The following MAPKAP1 variants were observed in gnomAD, a reference collection of about 807,000 sequenced individuals.
MAPKAP1 encodes MAPK associated protein 1.
A neutral mutation model predicts 65.7 loss-of-function variants in MAPKAP1; 20 were observed. That is an observed-to-expected ratio of 0.30 (90% CI 0.21 to 0.44). The LOEUF (loss-of-function observed/expected upper bound fraction) is 0.44. Among genes scored for constraint, MAPKAP1 ranks in the 20% least tolerant of loss-of-function variants. The pLI, the probability that MAPKAP1 is intolerant of heterozygous loss-of-function variation, is 1.00. For synonymous variants in MAPKAP1, 222 were observed against 244.3 expected (o/e 0.91, Z 0.85); for missense variants, 423 against 648.0 (o/e 0.65, Z 3.77).
chr9:125,473,259 C>T (rs1466500862), intron 9 of MAPKAP1, among the ~76,000 whole-genome samples: 1 of 152,026 alleles, frequency 6.6e-6, no homozygotes, highest in Non-Finnish European at 1.5e-5. Flanking sequence ...AAGAAAAGAG[C>T]ACGGGGGCTG....
chr9:125,696,622 A>C (rs1372697934), intron 1 of MAPKAP1, among the ~76,000 whole-genome samples: 3 of 152,230 alleles, frequency 2.0e-5, no homozygotes, highest in Non-Finnish European at 4.4e-5. Context: ...AAAAAAAACA[A>C]AAAACCTTAA....
chr9:125,669,198 C>T (rs1057221546), intron 3 of MAPKAP1, among the ~76,000 whole-genome samples: 4 of 143,688 alleles, frequency 2.8e-5, no homozygotes, highest in East Asian at 2.1e-4. Flanking sequence ...AAAAAAAAAT[C>T]GGCTGGGCAC....
intron 7 of MAPKAP1, among the ~76,000 whole-genome samples, chr9:125,526,912 T>A (rs1829785954): frequency 6.6e-6 from 1 of 151,862 alleles, no homozygotes; most frequent in African/African-American, 2.4e-5. Context: ...TAGCTGGGAC[T>A]ACAGGCGTGT....
chr9:125,555,435 C>T (rs890333097), intron 6 of MAPKAP1, among the ~76,000 whole-genome samples: 1 of 152,192 alleles, frequency 6.6e-6, no homozygotes, highest in Non-Finnish European at 1.5e-5. Context: ...TGCCTAAATT[C>T]AAAGTCTGTG....
intron 7 of MAPKAP1, among the ~76,000 whole-genome samples, chr9:125,538,063 A>G (rs140645883): frequency 3.3e-5 from 5 of 152,054 alleles, no homozygotes; most frequent in Admixed American, 6.5e-5. Flanking sequence ...CTTTGTGTTC[A>G]TACTCTCTGT....
chr9:125,698,288 A>AATAAAT (rs1835461717), intron 1 of MAPKAP1, among the ~76,000 whole-genome samples: 2 of 49,048 alleles, frequency 4.1e-5, no homozygotes, highest in South Asian at 1.3e-3. Flanking sequence ...AATATATATA[A>AATAAAT]ATATATATAT....
intron 7 of MAPKAP1, among the ~76,000 whole-genome samples, chr9:125,527,763 T>C (rs960049195): frequency 6.6e-6 from 1 of 152,310 alleles, no homozygotes; most frequent in East Asian, 1.9e-4. Flanking sequence ...CTGCTTTTGG[T>C]ATACTCCTCT....
intron 1 of MAPKAP1, among the ~76,000 whole-genome samples, chr9:125,695,693 A>G (rs963927094): frequency 6.6e-6 from 1 of 152,070 alleles, no homozygotes; most frequent in Non-Finnish European, 1.5e-5. Flanking sequence ...CTAACTGGCC[A>G]TCATGCTTAA....
At chr9:125,508,608 T>C (rs1829212767) in intron 7 of MAPKAP1, among the ~76,000 whole-genome samples, 1 of 152,112 alleles carries the variant, frequency 6.6e-6, no homozygotes, top group Non-Finnish European at 1.5e-5. Flanking sequence ...CCCAGCGCTT[T>C]GGGGGAGCCA....
chr9:125,616,180 A>G (rs1832743447), intron 4 of MAPKAP1, among the ~76,000 whole-genome samples: 1 of 152,180 alleles, frequency 6.6e-6, no homozygotes. Context: ...ACCACACAGA[A>G]AAAAACAGAA....
At chr9:125,510,506 T>G (rs1829265228) in intron 7 of MAPKAP1, among the ~76,000 whole-genome samples, 1 of 152,202 alleles carries the variant, frequency 6.6e-6, no homozygotes, top group Non-Finnish European at 1.5e-5. Flanking sequence ...CACCTTGTCT[T>G]TCTATCCATC....
At chr9:125,479,901 C>T (rs377711582) in intron 9 of MAPKAP1, among the ~76,000 whole-genome samples, 6 of 152,196 alleles carry the variant, frequency 3.9e-5, no homozygotes, top group East Asian at 3.8e-4. Flanking sequence ...CTGATTGACA[C>T]AGGATGGACA....
In MAPKAP1 at chr9:125,689,640, G is replaced by A. The variant is rs191463739; in HGVS notation, c.-69-16997C>T. ...TGTAATCCCAGCTACTCAGGAGGCT[G>A]AGGCGTGAGAATCACTTGAACCCGG... is the stretch of plus-strand genomic sequence containing the variant. On this transcript the variant is annotated intron_variant, in intron 1 of 11. Transcript: ENST00000265960. Among the ~76,000 whole-genome samples the A allele has an allele frequency of 3.0e-4, 45 of 149,642 alleles. No homozygotes were observed. In the East Asian group the frequency reaches 8.1e-3, roughly 27 times the overall value.
chr9:125,564,879 A>G (rs1269013803), intron 5 of MAPKAP1, among the ~76,000 whole-genome samples: 2 of 152,210 alleles, frequency 1.3e-5, no homozygotes, highest in African/African-American at 2.4e-5. Context: ...CACCAGAGAA[A>G]GACGAATGAT....
intron 4 of MAPKAP1, among the ~76,000 whole-genome samples, chr9:125,601,180 G>A (rs888398848): frequency 8.1e-4 from 122 of 151,186 alleles, no homozygotes; most frequent in African/African-American, 2.9e-3. Context: ...TTATAGTACA[G>A]CCATTATCAC....
intron 8 of MAPKAP1, among the ~76,000 whole-genome samples, chr9:125,503,385 G>A (rs10986780): frequency 0.18 from 26,682 of 152,218 alleles, 2,812 homozygotes; most frequent in East Asian, 0.25. Context: ...GATAATGTCC[G>A]GGCAAAAGCG....
chr9:125,470,543 C>T (rs1054441761), intron 9 of MAPKAP1, among the ~76,000 whole-genome samples: 1 of 152,340 alleles, frequency 6.6e-6, no homozygotes, highest in South Asian at 2.1e-4. Flanking sequence ...ATGTAAAGTA[C>T]ACTTTAACTT....
chr9:125,630,528 TG>T (rs2131683308), intron 4 of MAPKAP1, among the ~76,000 whole-genome samples: 1 of 152,258 alleles, frequency 6.6e-6, no homozygotes, highest in South Asian at 2.1e-4. Context: ...CTTCACATAT[TG>T]TATGGTTTAT....
chr9:125,519,492 T>TA (rs1829558133), intron 7 of MAPKAP1, among the ~76,000 whole-genome samples: 1 of 151,656 alleles, frequency 6.6e-6, no homozygotes, highest in Admixed American at 6.6e-5. Flanking sequence ...ATTAGCCTGG[T>TA]ATGGTAGCAC....
Sources: allele counts gnomAD v4.1 joint callset (sites outside exome capture counted in the v4.1 genomes callset), GRCh38; gene constraint gnomAD v4.1.1; transcripts MANE v1.5; gene names NCBI Gene and HGNC (gene_info 2026-07-23, HGNC 2026-07-21).